MFSD6: variants seen among roughly 807,000 people sequenced by gnomAD.
The protein encoded by MFSD6 is major facilitator superfamily domain-containing protein 6.
In MFSD6, 26 loss-of-function variants were observed where a neutral mutation model predicts 56.3. The observed-to-expected ratio is 0.46, with a 90% CI of 0.34 to 0.64. MFSD6 has a LOEUF of 0.64. MFSD6 is among the 30% of genes least tolerant of loss of function. The pLI is 0.01. For synonymous variants in MFSD6, 331 were observed against 366.9 expected (o/e 0.90, Z 1.12); for missense variants, 750 against 986.2 (o/e 0.76, Z 3.21).
intron 2 of MFSD6, among the ~76,000 whole-genome samples, chr2:190,421,735 A>AT (rs397758029): frequency 1.1e-4 from 16 of 151,294 alleles, no homozygotes; most frequent in South Asian, 4.2e-4. Flanking sequence ...TAAAAAAAAA[A>AT]TTTTTTTTAA....
rs1318274554 is a variant in MFSD6 at position 190,459,949 on chromosome 2, A to G, written c.1533-9809A>G. 6.6e-6 allele frequency among the ~76,000 whole-genome samples: 1 copy of G among 152,226 alleles called. No individual in the cohort carries two copies. Among genetic ancestry groups the G allele is most frequent in the East Asian group, 1.9e-4 (1 of 5,200 alleles). Reference sequence around the variant, plus strand: ...GATTCTTATGCTCTGTTCTACAAGGATGGGTCAGTGGCCAGTCATACCTGC... The same window carrying G: ...GATTCTTATGCTCTGTTCTACAAGGGTGGGTCAGTGGCCAGTCATACCTGC... On this transcript the variant is annotated intron_variant, in intron 3 of 7. Transcript: ENST00000392328. The surrounding 1 kb of genome is among the most constrained non-coding windows in gnomAD (Gnocchi z 5.3).
rs976311247 is a variant in MFSD6 at position 190,489,444 on chromosome 2, T to A, written c.1793-324T>A. ...AACTACAGATTAATAGTGCTGTTAG[T>A]TAATAATTGGGTAAATGGTCTTTTC... On this transcript the variant is annotated intron_variant, in intron 5 of 7. Coordinates refer to ENST00000392328, the MANE Select transcript of MFSD6 (RefSeq NM_017694.4). This position sits in a 1 kb window ranked among gnomAD's most constrained non-coding sequence, Gnocchi z 6.6. Among the ~76,000 whole-genome samples, 12 of 152,198 alleles carry A rather than the reference T, an allele frequency of 7.9e-5. No individual in the cohort carries two copies. Among genetic ancestry groups the A allele is most frequent in the Non-Finnish European group, 1.5e-5 (1 of 68,042 alleles).
At position 190,499,565 on chromosome 2, in the gene MFSD6, T is replaced by C. The variant is rs1157175847; in HGVS notation, c.2173-450T>C. Reference sequence around the variant, plus strand: ...ATTACAGGACATTCTTTCCCAGCTCTGCCTCCAAGGATAAGAACCCCTTAT... The same window carrying C: ...ATTACAGGACATTCTTTCCCAGCTCCGCCTCCAAGGATAAGAACCCCTTAT... On this transcript the variant is annotated intron_variant, in intron 7 of 7. Transcript: ENST00000392328. The surrounding 1 kb of genome is among the most constrained non-coding windows in gnomAD (Gnocchi z 6.0). Among the ~76,000 whole-genome samples, 1 of 152,244 alleles carries C rather than the reference T, an allele frequency of 6.6e-6. No individual in the cohort carries two copies. Among genetic ancestry groups the C allele is most frequent in the Non-Finnish European group, 1.5e-5 (1 of 68,038 alleles).
rs1365119474 is a variant in MFSD6, at chr2:190,413,878, A to G, written c.-175-1414A>G. 6.6e-6 allele frequency among the ~76,000 whole-genome samples: 1 copy of G among 152,260 alleles called. No homozygotes were observed. On this transcript the variant is annotated intron_variant, in intron 1 of 7. Coordinates refer to ENST00000392328, the MANE Select transcript of MFSD6 (RefSeq NM_017694.4). The surrounding 1 kb of genome is among the most constrained non-coding windows in gnomAD (Gnocchi z 4.1). ...AGTCAGGGCCCAGGATTCCAGGAGA[A>G]ACTGAGCACTGGAGCAGTGGCAGGA...
chr2:190,441,180 T>A (rs72905242), intron 3 of MFSD6, among the ~76,000 whole-genome samples: 21,253 of 152,086 alleles, frequency 0.14, 1,705 homozygotes, highest in Middle Eastern at 0.21. Flanking sequence ...GGCTCTCAGA[T>A]CCTCTCCTTG....
chr2:190,466,010 A>G (rs1687586383), intron 3 of MFSD6, among the ~76,000 whole-genome samples: 1 of 152,182 alleles, frequency 6.6e-6, no homozygotes, highest in Non-Finnish European at 1.5e-5. Context: ...TCTGGAGGCA[A>G]AAAGTCCGAG....
At position 190,438,041 on chromosome 2, in the gene MFSD6, A is replaced by AG. The variant is rs1686236741; in HGVS notation, c.1532+481dup. ...CTAAAGATGTCCATTATATCTAATA[A>AG]GACTGTGATGTAACCCACCGTAATC... On this transcript the variant is annotated intron_variant, in intron 3 of 7. Transcript: ENST00000392328. The surrounding 1 kb of genome is among the most constrained non-coding windows in gnomAD (Gnocchi z 5.2). 6.6e-6 allele frequency among the ~76,000 whole-genome samples: 1 copy of AG among 152,174 alleles called. No homozygotes were observed. Among genetic ancestry groups the AG allele is most frequent in the South Asian group, 2.1e-4 (1 of 4,826 alleles).
In MFSD6 at chr2:190,436,505, G is replaced by C; in HGVS notation, c.476G>C (p.Cys159Ser). The stretch of plus-strand genomic sequence containing the variant: ...TTTGTCAAACCTGCTACCTTGAGAT[G>C]TGTACCAAAGATTCGCCCAACAACT... ...IGFVKPATLR[C>S]VPKIRPTTHP... The change falls in exon 3 of 8, where the codon TGT becomes TCT. Residue 159 changes from cysteine (C) to serine (S), a missense_variant. This residue lies in a region of MFSD6 where 376 missense variants were observed against 437.9 expected (regional missense o/e 0.86). Coordinates refer to ENST00000392328, the MANE Select transcript of MFSD6 (RefSeq NM_017694.4). This position sits in a 1 kb window ranked among gnomAD's most constrained non-coding sequence, Gnocchi z 5.3. 1 of 1,614,206 alleles carries C rather than the reference G, an allele frequency of 6.2e-7. No individual in the cohort carries two copies. Among genetic ancestry groups the C allele is most frequent in the Non-Finnish European group, 8.5e-7 (1 of 1,180,042 alleles).
rs1422740231 is a variant in MFSD6 at position 190,451,361 on chromosome 2, T to C, written c.1532+13800T>C. 6.6e-6 allele frequency among the ~76,000 whole-genome samples: 1 copy of C among 152,226 alleles called. No homozygotes were observed. Among genetic ancestry groups the C allele is most frequent in the African/African-American group, 2.4e-5 (1 of 41,456 alleles). ...CAAGCACATAATAAGTCCTCAACTA[T>C]GAACAGTAGGTAGTATTGTTACTAA... On this transcript the variant is annotated intron_variant, in intron 3 of 7. Transcript: ENST00000392328. The surrounding 1 kb of genome is among the most constrained non-coding windows in gnomAD (Gnocchi z 5.0).
chr2:190,474,975 A>G (rs1046443222), intron 4 of MFSD6, among the ~76,000 whole-genome samples: 9 of 152,284 alleles, frequency 5.9e-5, no homozygotes, highest in Non-Finnish European at 1.2e-4. Flanking sequence ...TCACATGATT[A>G]TCTCAATAGA....
rs146245669 is a variant in MFSD6, at chr2:190,472,421, C to T, written c.1630+2566C>T. Among the ~76,000 whole-genome samples, 930 of 152,054 alleles carry T rather than the reference C, an allele frequency of 6.1e-3. 11 individuals carry two copies. Among genetic ancestry groups the T allele is most frequent in the African/African-American group, 0.02 (849 of 41,478 alleles). Reference sequence around the variant, plus strand: ...CCTGATGGAGCTGAAAACCACGGCACGAGAAATAGGTGACAAATGCACAAG... The same window carrying T: ...CCTGATGGAGCTGAAAACCACGGCATGAGAAATAGGTGACAAATGCACAAG... On this transcript the variant is annotated intron_variant, in intron 4 of 7. Transcript: ENST00000392328.
rs187166920 is a variant in MFSD6 at position 190,470,739 on chromosome 2, T to C, written c.1630+884T>C. ...TGTGATTAATTGTCATGATGAAAGA[T>C]TGAGAATTTCAGTCTTTTAAAATGA... On this transcript the variant is annotated intron_variant, in intron 4 of 7. Coordinates refer to ENST00000392328, the MANE Select transcript of MFSD6 (RefSeq NM_017694.4). 8.5e-5 allele frequency among the ~76,000 whole-genome samples: 13 copies of C among 152,290 alleles called. No individual in the cohort carries two copies. The East Asian group carries it at 2.3e-3, about 27-fold the overall frequency.
At chr2:190,428,647 ATGCT>A (rs776663693) in intron 2 of MFSD6, among the ~76,000 whole-genome samples, 14,732 of 147,558 alleles carry the variant, frequency 0.1, 817 homozygotes, top group South Asian at 0.17. Flanking sequence ...ACATTTAGAG[ATGCT>A]TGCTTATTTA....
intron 4 of MFSD6, among the ~76,000 whole-genome samples, chr2:190,478,382 A>G (rs1386323618): frequency 2.0e-5 from 3 of 152,188 alleles, no homozygotes; most frequent in Non-Finnish European, 4.4e-5. Context: ...TGACTGCACA[A>G]CAAAATCAAA....
chr2:190,479,698 GA>G (rs1409225990), intron 4 of MFSD6, among the ~76,000 whole-genome samples: 1 of 152,130 alleles, frequency 6.6e-6, no homozygotes, highest in African/African-American at 2.4e-5. Context: ...TGTATCTGAT[GA>G]GAGTAAAACT....
chr2:190,412,699 C>T lies in MFSD6; in HGVS notation c.-175-2593C>T, dbSNP rs1690607867. ...AACATTAGCTGTCTGTTCCCATTTA[C>T]TCTACTGGCATTTTGGGGGTGAGAG... On this transcript the variant is annotated intron_variant, in intron 1 of 7. Transcript: ENST00000392328. The surrounding 1 kb of genome is among the most constrained non-coding windows in gnomAD (Gnocchi z 4.1). 4 of 863,698 alleles carry T rather than the reference C, an allele frequency of 4.6e-6. No homozygotes were observed. Among genetic ancestry groups the T allele is most frequent in the Non-Finnish European group, 5.6e-6 (4 of 719,042 alleles). 53.5% of individuals were successfully genotyped at this position (863,698 alleles called of 1,614,324 possible).
Position 190,489,523 on chromosome 2 carries a change from G to A in MFSD6, c.1793-245G>A, listed in dbSNP as rs923682403. 6.6e-6 allele frequency among the ~76,000 whole-genome samples: 1 copy of A among 152,202 alleles called. No individual in the cohort carries two copies. Among genetic ancestry groups the A allele is most frequent in the African/African-American group, 2.4e-5 (1 of 41,442 alleles). ...TATGAGTCATGGTGAAAGGCACTGA[G>A]AGATAATCCTATATAAATGCAGTTT... On this transcript the variant is annotated intron_variant, in intron 5 of 7. Transcript: ENST00000392328. The surrounding 1 kb of genome is among the most constrained non-coding windows in gnomAD (Gnocchi z 6.6).
At chr2:190,441,778 C>G (rs898312657) in intron 3 of MFSD6, among the ~76,000 whole-genome samples, 1 of 152,100 alleles carries the variant, frequency 6.6e-6, no homozygotes, top group Non-Finnish European at 1.5e-5. Flanking sequence ...TATGCCCCAC[C>G]CACTGTGGGT....
In MFSD6 at chr2:190,491,312, G is replaced by A. The variant is rs1244691372; in HGVS notation, c.1891+1446G>A. On this transcript the variant is annotated intron_variant, in intron 6 of 7. Coordinates refer to ENST00000392328, the MANE Select transcript of MFSD6 (RefSeq NM_017694.4). This position sits in a 1 kb window ranked among gnomAD's most constrained non-coding sequence, Gnocchi z 4.2. ...CACTCAGGTGGACCGAGTAGCATGT[G>A]GAGACTTGCATCATGCTTTTGCTCC... Among the ~76,000 whole-genome samples, 1 of 152,174 alleles carries A rather than the reference G, an allele frequency of 6.6e-6. No homozygotes were observed. The highest frequency in any genetic ancestry group is 2.4e-5 in the African/African-American group (1 of 41,436).
Sources: allele counts gnomAD v4.1 joint callset (sites outside exome capture counted in the v4.1 genomes callset), GRCh38; gene constraint gnomAD v4.1.1; regional missense constraint gnomAD v4.1.1; non-coding constraint Gnocchi (gnomAD v3.1); transcripts MANE v1.5; gene names NCBI Gene and HGNC (gene_info 2026-07-23, HGNC 2026-07-21).